The following UGT2B4 variants were observed in gnomAD, a reference collection of about 807,000 sequenced individuals.
The protein encoded by UGT2B4 is UDP glucuronosyltransferase family 2 member B4.
In UGT2B4, 49 loss-of-function variants were observed where a neutral mutation model predicts 49.8. The ratio of observed to expected loss-of-function variants is 0.98; its 90% CI spans 0.78 to 1.25. The LOEUF is 1.25. Ranked by LOEUF, UGT2B4 falls within the 50% of genes most tolerant of loss-of-function variation. UGT2B4 has a pLI of 0.00. For missense variants in UGT2B4, 729 were observed against 627.7 expected (o/e 1.16, Z -1.73); for synonymous variants, 246 against 217.7 (o/e 1.13, Z -1.14).
chr4:69,497,968 T>C (rs1728209496), upstream of UGT2B4, among the ~76,000 whole-genome samples: 1 of 151,964 alleles, frequency 6.6e-6, no homozygotes, highest in Non-Finnish European at 1.5e-5. Context: ...ACTACTCTGA[T>C]GAGTTAGTAG....
At chr4:69,494,774 T>C (rs922842040) in intron 1 of UGT2B4, among the ~76,000 whole-genome samples, 2 of 152,166 alleles carry the variant, frequency 1.3e-5, no homozygotes, top group Non-Finnish European at 2.9e-5. Flanking sequence ...CTAAAAAATG[T>C]GTAACTACTC....
chr4:69,499,957 G>T (rs1577893625), upstream of UGT2B4, among the ~76,000 whole-genome samples: 1 of 152,128 alleles, frequency 6.6e-6, no homozygotes, highest in Admixed American at 6.5e-5. Context: ...TATGTTCATT[G>T]CTGCACTATG....
intron 1 of UGT2B4, among the ~76,000 whole-genome samples, chr4:69,504,494 A>G (rs563375249): frequency 1.3e-5 from 2 of 152,310 alleles, no homozygotes; most frequent in African/African-American, 4.8e-5. Flanking sequence ...CAAAGAAAAA[A>G]ATCTCAGAGC....
intron 1 of UGT2B4, among the ~76,000 whole-genome samples, chr4:69,512,710 C>T (rs1322145605): frequency 7.6e-6 from 1 of 131,116 alleles, no homozygotes; most frequent in African/African-American, 2.9e-5. Context: ...ACTTCACCAG[C>T]ATCTGTTTTT....
upstream of UGT2B4, among the ~76,000 whole-genome samples, chr4:69,497,003 C>T (rs1577891758): frequency 6.6e-6 from 1 of 151,632 alleles, no homozygotes; most frequent in East Asian, 1.9e-4. Flanking sequence ...TTAATTATTA[C>T]ATTAGCTTGC....
Position 69,480,623 on chromosome 4 carries a change from C to G in UGT2B4, c.*11G>C, listed in dbSNP as rs904133685. On this transcript the variant is annotated 3_prime_UTR_variant, in exon 6 of 6. Coordinates refer to ENST00000305107, the MANE Select transcript of UGT2B4 (RefSeq NM_021139.3). ...TTTATTGGGTTTCCCAGCTTCCAGCCTCAGACGTAATTAATCTCTTTTCCC... is the reference window on the plus strand; with the variant it reads ...TTTATTGGGTTTCCCAGCTTCCAGCGTCAGACGTAATTAATCTCTTTTCCC... 6.2e-7 allele frequency: 1 copy of G among 1,611,104 alleles called. No individual in the cohort carries two copies. Among genetic ancestry groups the G allele is most frequent in the South Asian group, 1.1e-5 (1 of 90,910 alleles).
intron 1 of UGT2B4, among the ~76,000 whole-genome samples, chr4:69,494,254 C>T (rs1728079296): frequency 1.3e-5 from 2 of 152,090 alleles, no homozygotes; most frequent in Admixed American, 6.6e-5. Flanking sequence ...AGTCTAATTT[C>T]CCATTCATTA....
intron 2 of UGT2B4, among the ~76,000 whole-genome samples, chr4:69,490,061 A>T (rs531380005): frequency 2.0e-5 from 3 of 152,266 alleles, no homozygotes; most frequent in East Asian, 1.9e-4. Context: ...GGGATTACGT[A>T]AACCTACATT....
chr4:69,501,864 A>AC (rs1728327007), intron 1 of UGT2B4, among the ~76,000 whole-genome samples: 1 of 152,068 alleles, frequency 6.6e-6, no homozygotes, highest in African/African-American at 2.4e-5. Flanking sequence ...CTTAGACTCC[A>AC]CGTAGCTCTG....
At chr4:69,512,147 G>T (rs2109828362) in intron 1 of UGT2B4, among the ~76,000 whole-genome samples, 1 of 150,818 alleles carries the variant, frequency 6.6e-6, no homozygotes, top group East Asian at 1.9e-4. Context: ...ATGTATTTCA[G>T]CTCAAATATA....
chr4:69,510,723 A>G (rs895208364), intron 1 of UGT2B4, among the ~76,000 whole-genome samples: 2 of 151,818 alleles, frequency 1.3e-5, no homozygotes, highest in Non-Finnish European at 1.5e-5. Flanking sequence ...TATTTTGGGG[A>G]GTACTTAGGG....
At chr4:69,522,442 A>G (rs1045253292) in intron 1 of UGT2B4, among the ~76,000 whole-genome samples, 5 of 152,240 alleles carry the variant, frequency 3.3e-5, no homozygotes, top group Non-Finnish European at 7.3e-5. Flanking sequence ...AATAAACTCA[A>G]TCACACAAAT....
intron 2 of UGT2B4, among the ~76,000 whole-genome samples, chr4:69,489,784 T>C (rs1039019624): frequency 7.2e-5 from 11 of 152,094 alleles, no homozygotes; most frequent in Admixed American, 2.0e-4. Context: ...AATATGTGTG[T>C]GTGTATGTGT....
chr4:69,495,224 T>C lies in UGT2B4; in HGVS notation c.638A>G (p.Asn213Ser). ...DQMTFIERVK[N>S]MIYVLYFEFW... ...TTCAAAATAAAGCACATAGATCATA[T>C]TTTTTACCCTCTCTATGAAAGTCAT... Residue 213 changes from asparagine to serine, a missense_variant, in exon 1 of 6, where the codon AAT becomes AGT. Transcript: ENST00000305107. 6.2e-7 allele frequency: 1 copy of C among 1,607,550 alleles called. No individual in the cohort carries two copies. Among genetic ancestry groups the C allele is most frequent in the Non-Finnish European group, 8.5e-7 (1 of 1,178,242 alleles).
At chr4:69,520,097 AT>A in intron 1 of UGT2B4, among the ~76,000 whole-genome samples, 1 of 152,220 alleles carries the variant, frequency 6.6e-6, no homozygotes, top group Non-Finnish European at 1.5e-5. Context: ...CACATGTAAA[AT>A]ATTAAATTAG....
chr4:69,524,375 G>A (rs1472776754), intron 1 of UGT2B4, among the ~76,000 whole-genome samples: 2 of 130,740 alleles, frequency 1.5e-5, no homozygotes, highest in African/African-American at 5.6e-5. Flanking sequence ...TAATTTTAAC[G>A]TTGTCGTTTC....
chr4:69,508,177 T>C (rs1358412636), intron 1 of UGT2B4, among the ~76,000 whole-genome samples: 5 of 152,022 alleles, frequency 3.3e-5, no homozygotes, highest in South Asian at 4.1e-4. Context: ...ATGGCTATTA[T>C]TAAAAAATAA....
chr4:69,494,988 T>G (rs1728102523), intron 1 of UGT2B4, among the ~76,000 whole-genome samples, 153 bp downstream of exon 1: 1 of 152,168 alleles, frequency 6.6e-6, no homozygotes, highest in Non-Finnish European at 1.5e-5. Context: ...TTTTCTATAG[T>G]GCTTGTGAGT....
intron 1 of UGT2B4, among the ~76,000 whole-genome samples, chr4:69,521,924 T>C (rs1192586103): frequency 6.6e-6 from 1 of 152,212 alleles, no homozygotes; most frequent in Non-Finnish European, 1.5e-5. Flanking sequence ...CAGGAACTGA[T>C]ATATCAAATG....
Sources: allele counts gnomAD v4.1 joint callset (sites outside exome capture counted in the v4.1 genomes callset), GRCh38; gene constraint gnomAD v4.1.1; transcripts MANE v1.5; gene names NCBI Gene and HGNC (gene_info 2026-07-23, HGNC 2026-07-21).